Variants in KANTR observed in about 807,000 individuals in gnomAD.
KANTR encodes the protein KANTR integral membrane protein.
intron 2 of KANTR, among the ~76,000 whole-genome samples, chrX:53,116,950 C>T (rs1166907877): frequency 3.6e-5 from 4 of 111,575 alleles, no homozygotes; most frequent in African/African-American, 9.8e-5. Flanking sequence ...CTCTACTCTT[C>T]TCCTATATGC....
intron 1 of KANTR, among the ~76,000 whole-genome samples, chrX:53,096,645 A>G (rs1456898063): frequency 1.1e-4 from 11 of 100,348 alleles, no homozygotes; most frequent in Middle Eastern, 6.7e-3. Context: ...GGCCAACATG[A>G]TGAAACCCCG....
At chrX:53,145,644 G>A (rs1185880249), downstream of KANTR, among the ~76,000 whole-genome samples, 1 of 112,230 alleles carries the variant, frequency 8.9e-6, no homozygotes, top group East Asian at 2.8e-4. Context: ...CAGCTTTGAA[G>A]AGAGTAGTGG....
intron 2 of KANTR, among the ~76,000 whole-genome samples, chrX:53,138,841 C>CTTAG (rs782583862): frequency 1.8e-5 from 2 of 111,141 alleles, no homozygotes; most frequent in South Asian, 7.6e-4. Context: ...AGGACAGTTG[C>CTTAG]TTAGTTAAAG....
At chrX:53,137,841 TG>T (rs1336178390) in intron 2 of KANTR, among the ~76,000 whole-genome samples, 10 of 110,911 alleles carry the variant, frequency 9.0e-5, no homozygotes, top group Admixed American at 1.9e-4. Flanking sequence ...TTTTTTGTTT[TG>T]TTTTTTTGTT....
At chrX:53,145,080 T>C (rs1045998628), downstream of KANTR, among the ~76,000 whole-genome samples, 6 of 111,778 alleles carry the variant, frequency 5.4e-5, no homozygotes, top group Admixed American at 9.5e-5. Flanking sequence ...GCATGAGCGA[T>C]GCAGAAGACG....
chrX:53,127,794 C>T (rs2055257850), downstream of KANTR, among the ~76,000 whole-genome samples: 1 of 111,465 alleles, frequency 9.0e-6, no homozygotes, highest in Non-Finnish European at 1.9e-5. Flanking sequence ...CTGATCCCAG[C>T]TATCATCCCC....
At chrX:53,139,624 G>C (rs1556818170) in intron 2 of KANTR, among the ~76,000 whole-genome samples, 1 of 111,803 alleles carries the variant, frequency 8.9e-6, no homozygotes, top group East Asian at 2.8e-4. Context: ...TTTGAGACCA[G>C]CCAGACAATA....
At chrX:53,105,897 G>A (rs1206817664) in intron 2 of KANTR, among the ~76,000 whole-genome samples, 16 of 71,290 alleles carry the variant, frequency 2.2e-4, no homozygotes, top group South Asian at 1.6e-3. Context: ...TCGCTCTGTC[G>A]CCCAGGGTGG....
At chrX:53,124,071 T>TGTTA (rs1361404595) in exon 3 of KANTR, 2 of 259,406 alleles carry the variant, frequency 7.7e-6, no homozygotes, top group African/African-American at 5.6e-5. Flanking sequence ...ATTTTTTGTT[T>TGTTA]GTTTGTTTGT....
downstream of KANTR, among the ~76,000 whole-genome samples, chrX:53,144,967 T>G (rs1022087300): frequency 2.7e-5 from 3 of 111,766 alleles, no homozygotes; most frequent in Non-Finnish European, 5.6e-5. Flanking sequence ...TACAGTAAGG[T>G]GAATTTATAG....
chrX:53,107,055 G>A (rs1932961808), intron 2 of KANTR, among the ~76,000 whole-genome samples: 1 of 110,771 alleles, frequency 9.0e-6, no homozygotes, highest in African/African-American at 3.4e-5. Context: ...AGACCACACT[G>A]TCTTAATTAC....
chrX:53,094,310 T>C (rs1198062210), intron 1 of KANTR, 26 bp downstream of exon 1: 1 of 91,438 alleles, frequency 1.1e-5, no homozygotes. Flanking sequence ...GACGGGGCGG[T>C]GGGGGGAGTG....
At chrX:53,143,066 A>C, downstream of KANTR, 1 of 1,203,678 alleles carries the variant, frequency 8.3e-7, no homozygotes, top group South Asian at 1.8e-5. Context: ...TCCACGTCAC[A>C]CTTCATGATG....
intron 2 of KANTR, among the ~76,000 whole-genome samples, chrX:53,115,273 G>A (rs1275231863): frequency 8.9e-6 from 1 of 112,031 alleles, no homozygotes; most frequent in African/African-American, 3.2e-5. Flanking sequence ...GGCACTGGGT[G>A]GGCCTGGAGC....
chrX:53,110,129 A>G (rs782145653), intron 2 of KANTR, among the ~76,000 whole-genome samples: 49 of 111,503 alleles, frequency 4.4e-4, no homozygotes, highest in Non-Finnish European at 7.7e-4. Context: ...AATGGGAACA[A>G]TTTTACTTCT....
At chrX:53,129,235 T>TGTGTGTGTGTGTGTGTGTGTGTGTGTGTG (rs1933330092), downstream of KANTR, among the ~76,000 whole-genome samples, 1 of 83,360 alleles carries the variant, frequency 1.2e-5, no homozygotes, top group African/African-American at 4.3e-5. Flanking sequence ...GCCTGGCTAT[T>TGTGTGTGTGTGTGTGTGTGTGTGTGTGTG]TGTGTGTGTG....
intron 2 of KANTR, among the ~76,000 whole-genome samples, chrX:53,105,860 T>TC (rs1569234574): frequency 1.1e-5 from 1 of 89,319 alleles, no homozygotes; most frequent in African/African-American, 4.2e-5. Context: ...TTTTCTTTTT[T>TC]TTTTTTTTTT....
In KANTR at chrX:53,112,132, G is replaced by A. The variant is rs782467568; in HGVS notation, c.-804-11337G>A. Among the ~76,000 whole-genome samples the A allele has an allele frequency of 1.2e-4, 12 of 103,070 alleles. No homozygotes were observed. In the South Asian group the frequency reaches 3.1e-3, roughly 27 times the overall value. 89.5% of individuals were successfully genotyped at this position (103,070 alleles called of 115,157 possible). On this transcript the variant is annotated intron_variant, in intron 2 of 2. Transcript: ENST00000604062. ...TTTTATCCCTCACCCCCTCCCACCC[G>A]TTCCCCCAAGTCCCCAAAGTCCATT...
At chrX:53,134,653 A>C (rs1283649379) in intron 2 of KANTR, among the ~76,000 whole-genome samples, 1 of 112,051 alleles carries the variant, frequency 8.9e-6, no homozygotes, top group Non-Finnish European at 1.9e-5. Context: ...CAGAACACAT[A>C]GAATAAAAGA....
Sources: allele counts gnomAD v4.1 joint callset (sites outside exome capture counted in the v4.1 genomes callset), GRCh38; gene constraint gnomAD v4.1.1; transcripts MANE v1.5; gene names NCBI Gene and HGNC (gene_info 2026-07-23, HGNC 2026-07-21).